The following FYB2 variants were observed in gnomAD, a reference collection of about 807,000 sequenced individuals.
FYB2 encodes FYN binding protein 2, also known as FYN-binding protein 2.
In FYB2, 103 loss-of-function variants were observed where a neutral mutation model predicts 94.1. That is an observed-to-expected ratio of 1.09 (90% confidence interval 0.93 to 1.29). The LOEUF (loss-of-function observed/expected upper bound fraction) is 1.29. Ranked by LOEUF, FYB2 falls within the 50% of genes most tolerant of loss-of-function variation. The pLI is 0.00. For synonymous variants in FYB2, 293 were observed against 287.9 expected, an observed-to-expected ratio of 1.02 and a Z score of -0.18; for missense variants, 896 against 841.5, an observed-to-expected ratio of 1.06 and a Z score of -0.80.
chr1:56,745,733 T>G (rs1213389714), intron 9 of FYB2, among the ~76,000 whole-genome samples: 1 of 152,030 alleles, frequency 6.6e-6, no homozygotes, highest in East Asian at 1.9e-4. Flanking sequence ...TTCTTGTACT[T>G]GCAAAAGCTT....
At chr1:56,793,020 C>T (rs1646310407) in intron 1 of FYB2, among the ~76,000 whole-genome samples, 1 of 152,100 alleles carries the variant, frequency 6.6e-6, no homozygotes, top group African/African-American at 2.4e-5. Context: ...AATGAAAACA[C>T]TATCTCTTTC....
At chr1:56,753,581 T>C (rs893797067) in intron 8 of FYB2, among the ~76,000 whole-genome samples, 2 of 152,120 alleles carry the variant, frequency 1.3e-5, no homozygotes, top group African/African-American at 2.4e-5. Flanking sequence ...TACTGCCTTA[T>C]AGTTTGCACC....
chr1:56,799,693 TGTCAAATCAC>T (rs1646476587), intron 1 of FYB2, among the ~76,000 whole-genome samples: 1 of 152,162 alleles, frequency 6.6e-6, no homozygotes, highest in South Asian at 2.1e-4. Context: ...ATAAATTCTG[TGTCAAATCAC>T]GTTTTGATCT....
intron 9 of FYB2, 65 bp from the exon 10 acceptor site, chr1:56,744,331 C>T (rs766529531): frequency 1.1e-5 from 13 of 1,186,228 alleles, no homozygotes; most frequent in Non-Finnish European, 1.4e-5. Flanking sequence ...CATTCACACA[C>T]ATCACTGGCA....
At chr1:56,737,227 T>A in intron 14 of FYB2, 80 bp from the exon 15 acceptor site, 1 of 1,031,506 alleles carries the variant, frequency 9.7e-7, no homozygotes, top group Non-Finnish European at 1.4e-6. Flanking sequence ...TATACTCAAT[T>A]ACCTAATTAT....
chr1:56,826,442 C>A, the FYB2 span: 1 of 152,372 alleles, frequency 6.6e-6, no homozygotes, highest in Admixed American at 6.5e-5. Context: ...TCACTGGGCT[C>A]CCTATACTTG....
chr1:56,754,250 C>A (rs1209371930), intron 7 of FYB2, among the ~76,000 whole-genome samples: 3 of 151,974 alleles, frequency 2.0e-5, no homozygotes, highest in Non-Finnish European at 4.4e-5. Context: ...CTGCTTTTTA[C>A]CTCCACTTTG....
chr1:56,748,295 G>T (rs914996063), intron 9 of FYB2, among the ~76,000 whole-genome samples: 10 of 152,006 alleles, frequency 6.6e-5, no homozygotes, highest in African/African-American at 2.4e-4. Context: ...AATTGCTTTT[G>T]GTGTTTTAGT....
rs576076668 is a variant in FYB2 at position 56,792,757 on chromosome 1, A to G, written c.56T>C (p.Leu19Pro). ...AGGTCCTGGAAGAGGTGGAGCATCA[A>G]GATTTTGAAATTTGGCTCGAAGTTC... The part of the protein sequence containing the change: ...FKELRAKFQN[L>P]DAPPLPGPIK... Residue 19 changes from leucine to proline, a missense_variant, in exon 2 of 20, where the codon CTT becomes CCT. Coordinates refer to ENST00000343433, the MANE Select transcript of FYB2 (RefSeq NM_001004303.5). The G allele has an allele frequency of 1.9e-6, 3 of 1,613,652 alleles. No individual in the cohort carries two copies. The highest frequency in any genetic ancestry group is 2.5e-6 in the Non-Finnish European group (3 of 1,179,822).
chr1:56,770,887 C>G (rs1461317154), intron 4 of FYB2, among the ~76,000 whole-genome samples: 1 of 152,110 alleles, frequency 6.6e-6, no homozygotes, highest in Non-Finnish European at 1.5e-5. Flanking sequence ...CTCCTAACCT[C>G]ATAGTGAACA....
At chr1:56,740,349 A>C (rs1358758523) in intron 13 of FYB2, among the ~76,000 whole-genome samples, 2 of 152,106 alleles carry the variant, frequency 1.3e-5, no homozygotes, top group African/African-American at 2.4e-5. Flanking sequence ...AGGGCCCCAA[A>C]AGCATAAAAG....
chr1:56,791,218 C>G (rs1313682635), intron 2 of FYB2, among the ~76,000 whole-genome samples: 2 of 151,378 alleles, frequency 1.3e-5, no homozygotes, highest in Non-Finnish European at 2.9e-5. Flanking sequence ...CGTTTTTCTT[C>G]TAGGTGCTAG....
At position 56,730,155 on chromosome 1, in the gene FYB2, G is replaced by A. The variant is rs533321609; in HGVS notation, c.1794-3572C>T. On this transcript the variant is annotated intron_variant, in intron 15 of 19. Transcript: ENST00000343433. Reference sequence around the variant, plus strand: ...GAAGAACAAACCAAATCCAAAGTTAGTAGAAGAAAAGAAATAATAAAGATC... The same window carrying A: ...GAAGAACAAACCAAATCCAAAGTTAATAGAAGAAAAGAAATAATAAAGATC... 1.1e-3 allele frequency among the ~76,000 whole-genome samples: 165 copies of A among 151,484 alleles called. No individual in the cohort carries two copies. In the Middle Eastern group the frequency reaches 0.014, roughly 13 times the overall value.
chr1:56,798,682 CAT>C (rs1258960972), intron 1 of FYB2, among the ~76,000 whole-genome samples: 5 of 152,142 alleles, frequency 3.3e-5, no homozygotes, highest in African/African-American at 1.2e-4. Context: ...TGGGCAAACA[CAT>C]GATATTACCA....
chr1:56,809,891 G>A (rs10749710), intron 1 of FYB2, among the ~76,000 whole-genome samples: 128,159 of 152,092 alleles, frequency 0.84, 54,486 homozygotes, highest in African/African-American at 0.93. Flanking sequence ...GATCAGTGAA[G>A]TGGGGATACA....
At chr1:56,755,254 G>A (rs927767148) in intron 7 of FYB2, among the ~76,000 whole-genome samples, 1 of 152,056 alleles carries the variant, frequency 6.6e-6, no homozygotes, top group Non-Finnish European at 1.5e-5. Flanking sequence ...ACAGGAAGGG[G>A]AGTAGGGAGG....
chr1:56,806,180 A>G (rs963242160), intron 1 of FYB2, among the ~76,000 whole-genome samples: 1 of 152,206 alleles, frequency 6.6e-6, no homozygotes, highest in Non-Finnish European at 1.5e-5. Context: ...ACAGACGATG[A>G]CAACACCTTG....
intron 8 of FYB2, 60 bp from the exon 9 acceptor site, chr1:56,751,263 C>T: frequency 8.7e-6 from 13 of 1,491,722 alleles, no homozygotes; most frequent in Non-Finnish European, 1.2e-5. Flanking sequence ...CAGTTCTTTG[C>T]TTACTTGTAC....
At chr1:56,742,705 C>G (rs1644982924) in intron 11 of FYB2, among the ~76,000 whole-genome samples, 1 of 152,032 alleles carries the variant, frequency 6.6e-6, no homozygotes, top group Non-Finnish European at 1.5e-5. Context: ...GAAACAGAGT[C>G]TAATGGAAAG....
Sources: allele counts gnomAD v4.1 joint callset (sites outside exome capture counted in the v4.1 genomes callset), GRCh38; gene constraint gnomAD v4.1.1; transcripts MANE v1.5; gene names NCBI Gene and HGNC (gene_info 2026-07-23, HGNC 2026-07-21).